Variants in ADAP1 observed in about 807,000 individuals in gnomAD.
The protein encoded by ADAP1 is arf-GAP with dual PH domain-containing protein 1.
In ADAP1, 31 loss-of-function variants were observed where a neutral mutation model predicts 54.9. That is an observed-to-expected ratio of 0.56 (90% CI 0.42 to 0.76). The LOEUF (loss-of-function observed/expected upper bound fraction) is 0.76. Among genes scored for constraint, ADAP1 ranks in the 30% least tolerant of loss-of-function variants. The pLI is 0.00. For synonymous variants in ADAP1, 313 were observed against 202.6 expected, an observed-to-expected ratio of 1.55 and a Z score of -4.63; for missense variants, 535 against 512.4, an observed-to-expected ratio of 1.04 and a Z score of -0.42.
In ADAP1 at chr7:946,150, C is replaced by A. The variant is rs1847132494; in HGVS notation, c.82+8246G>T. Among the ~76,000 whole-genome samples the A allele has an allele frequency of 6.6e-6, 1 of 152,178 alleles. No homozygotes were observed. The highest frequency in any genetic ancestry group is 6.5e-5 in the Admixed American group (1 of 15,282). ...ATGGCTGTCCCCCAGGCACACAGCG[C>A]CCCACTCCACGCCGGGACCCAGGCC... On this transcript the variant is annotated intron_variant, in intron 1 of 10. Coordinates refer to ENST00000265846, the MANE Select transcript of ADAP1 (RefSeq NM_006869.4). The surrounding 1 kb of genome is among the most constrained non-coding windows in gnomAD (Gnocchi z 4.3).
At chr7:915,493 G>A (rs1169782679) in intron 4 of ADAP1, among the ~76,000 whole-genome samples, 1 of 152,208 alleles carries the variant, frequency 6.6e-6, no homozygotes, top group Non-Finnish European at 1.5e-5. Context: ...GGCAGGCAAG[G>A]CCAAGGCCTT....
In ADAP1 at chr7:905,361, AAAGG is replaced by A. The variant is rs1562911458; in HGVS notation, c.389-193_389-190del. 8.0e-4 allele frequency: 83 copies of A among 103,248 alleles called. 11 individuals are homozygous for A. Among genetic ancestry groups the A allele is most frequent in the Non-Finnish European group, 1.2e-3 (70 of 59,416 alleles). The allele number at this position is 103,248 out of a possible 1,614,324, so 6.4% of individuals were successfully genotyped here. ...CAGGGAGATAGGAAGATGGGCAGGGAAAGGGAAAGGGAAAGGAGAAAGGAGAAAG... is the reference window on the plus strand; with the variant it reads ...CAGGGAGATAGGAAGATGGGCAGGGAGAAAGGGAAAGGAGAAAGGAGAAAG... On this transcript the variant is annotated intron_variant, in intron 4 of 10. Coordinates refer to ENST00000265846, the MANE Select transcript of ADAP1 (RefSeq NM_006869.4).
At chr7:950,032 G>A (rs1009903928) in intron 1 of ADAP1, among the ~76,000 whole-genome samples, 5 of 152,244 alleles carry the variant, frequency 3.3e-5, no homozygotes, top group Admixed American at 2.6e-4. Flanking sequence ...GCCCAGAGGT[G>A]GGAGCAGCCC....
chr7:947,558 C>G (rs947484075), intron 1 of ADAP1, among the ~76,000 whole-genome samples: 2 of 152,020 alleles, frequency 1.3e-5, no homozygotes, highest in African/African-American at 4.8e-5. Context: ...GAGTGAGGTG[C>G]TGGCTAAAGG....
At chr7:904,875 G>A (rs1005920898) in intron 5 of ADAP1, among the ~76,000 whole-genome samples, 185 bp downstream of exon 5, 2 of 152,212 alleles carry the variant, frequency 1.3e-5, no homozygotes, top group African/African-American at 4.8e-5. Context: ...GCCCCACCCT[G>A]GGGGACGCTG....
chr7:935,128 C>T (rs1205987143), intron 2 of ADAP1: 1 of 653,002 alleles, frequency 1.5e-6, no homozygotes, highest in East Asian at 3.3e-5. Context: ...GCCTTCGCTC[C>T]CTGGCCCACC....
chr7:914,838 T>G (rs1312356365), intron 4 of ADAP1, among the ~76,000 whole-genome samples: 1 of 151,958 alleles, frequency 6.6e-6, no homozygotes, highest in African/African-American at 2.4e-5. Flanking sequence ...CACTTGGCCG[T>G]CTGAAGCAGC....
At chr7:905,566 GAGAAAGGAGAAAGGA>G (rs1845169179) in intron 4 of ADAP1, 6 of 27,662 alleles carry the variant, frequency 2.2e-4, no homozygotes, top group East Asian at 1.9e-3. Context: ...AAGGAGAAAG[GAGAAAGGAGAAAGGA>G]GAAAGGAGAA....
chr7:925,244 G>A (rs192132185), intron 3 of ADAP1, among the ~76,000 whole-genome samples: 30 of 151,972 alleles, frequency 2.0e-4, no homozygotes, highest in African/African-American at 6.5e-4. Context: ...CGAAGACCCC[G>A]GGAGGGCCGG....
Position 902,458 on chromosome 7 carries a change from C to CAA in ADAP1, c.648+1666_648+1667dup, listed in dbSNP as rs758277562. Among the ~76,000 whole-genome samples the CAA allele has an allele frequency of 9.0e-4, 60 of 66,540 alleles. 15 individuals carry two copies. The highest frequency in any genetic ancestry group is 1.5e-3 in the Non-Finnish European group (55 of 36,628). 43.7% of individuals were successfully genotyped at this position (66,540 alleles called of 152,430 possible). On this transcript the variant is annotated intron_variant, in intron 6 of 10. Transcript: ENST00000265846. ...GGGTGACAAGGGCGAAACTCTGCCTCAAAAAAAAAAAAAGAAAGAAAAGAA... is the reference window on the plus strand; with the variant it reads ...GGGTGACAAGGGCGAAACTCTGCCTCAAAAAAAAAAAAAAAGAAAGAAAAGAA...
intron 6 of ADAP1, among the ~76,000 whole-genome samples, chr7:902,832 G>T (rs149130742): frequency 6.6e-6 from 1 of 152,092 alleles, no homozygotes; most frequent in Non-Finnish European, 1.5e-5. Flanking sequence ...CGGGACAAAC[G>T]TACTAGGATG....
intron 6 of ADAP1, chr7:901,189 A>G (rs1430284511): frequency 5.5e-6 from 2 of 363,744 alleles, no homozygotes; most frequent in Non-Finnish European, 1.1e-5. Flanking sequence ...CAGAGGGCCC[A>G]TAGCCCAGGC....
chr7:922,366 T>G (rs542357053), intron 3 of ADAP1, among the ~76,000 whole-genome samples: 94 of 152,192 alleles, frequency 6.2e-4, no homozygotes, highest in African/African-American at 2.1e-3. Flanking sequence ...GAGCAAAATG[T>G]GAGCTGGGGG....
intron 4 of ADAP1, among the ~76,000 whole-genome samples, chr7:906,765 ACATGGGGGACAGGG>A (rs1562915548): frequency 0.07 from 537 of 7,622 alleles, 24 homozygotes; most frequent in Admixed American, 0.27. Context: ...TGGACAGGGG[ACATGGGGGACAGGG>A]GACACGGGGG....
chr7:914,582 G>T (rs111408970), intron 4 of ADAP1, among the ~76,000 whole-genome samples: 1 of 152,084 alleles, frequency 6.6e-6, no homozygotes, highest in Non-Finnish European at 1.5e-5. Flanking sequence ...GGGGAGGCTC[G>T]GGGGGTCCCT....
At chr7:912,012 A>G (rs1845744596) in intron 4 of ADAP1, among the ~76,000 whole-genome samples, 1 of 152,144 alleles carries the variant, frequency 6.6e-6, no homozygotes, top group African/African-American at 2.4e-5. Context: ...TGTTCCCAGT[A>G]GCGCCCTCGT....
chr7:926,830 C>T lies in ADAP1; in HGVS notation c.214-186G>A. Reference sequence around the variant, plus strand: ...ACACCATTTCTGAGTGATCGACCCTCCCCTGGGACAGGGAAGGAGCCAGCG... The same window carrying T: ...ACACCATTTCTGAGTGATCGACCCTTCCCTGGGACAGGGAAGGAGCCAGCG... On this transcript the variant is annotated intron_variant, in intron 2 of 10. Transcript: ENST00000265846. The surrounding 1 kb of genome is among the most constrained non-coding windows in gnomAD (Gnocchi z 4.6). The T allele has an allele frequency of 1.3e-6, 1 of 749,784 alleles. No homozygotes were observed. Among genetic ancestry groups the T allele is most frequent in the Non-Finnish European group, 2.0e-6 (1 of 489,612 alleles). 46.4% of individuals were successfully genotyped at this position (749,784 alleles called of 1,614,324 possible). A position where few individuals can be genotyped will look rare whatever the true frequency, so the allele number is the denominator to read the frequency against.
At chr7:933,491 GGCCGGGGTC>G (rs1846650096) in intron 2 of ADAP1, among the ~76,000 whole-genome samples, 2 of 80,442 alleles carry the variant, frequency 2.5e-5, no homozygotes, top group East Asian at 3.8e-4. Context: ...GAGAGCCGGG[GGCCGGGGTC>G]AGTGGTGCTG....
At position 926,167 on chromosome 7, in the gene ADAP1, C is replaced by A. The variant is rs902963483; in HGVS notation, c.305+386G>T. On this transcript the variant is annotated intron_variant, in intron 3 of 10. Transcript: ENST00000265846. This position sits in a 1 kb window ranked among gnomAD's most constrained non-coding sequence, Gnocchi z 4.6. ...TTCCCCAACCGGCCACCGGTACCCA[C>A]GTCCGCTCCCGCCCTGAGGAGCCAG... Among the ~76,000 whole-genome samples the A allele has an allele frequency of 3.0e-4, 45 of 151,480 alleles. No homozygotes were observed. The highest frequency in any genetic ancestry group is 1.1e-3 in the African/African-American group (44 of 41,250).
Sources: gnomAD v4.1 joint callset for allele counts (sites outside exome capture counted in the v4.1 genomes callset) on GRCh38, gnomAD v4.1.1 for gene constraint, Gnocchi (gnomAD v3.1) non-coding constraint, MANE v1.5 for transcripts, NCBI Gene and HGNC (gene_info 2026-07-23, HGNC 2026-07-21) for gene names.